Variants in F13A1 observed in about 807,000 individuals in gnomAD.
F13A1 encodes FSF, A subunit.
F13A1 carries 47 observed loss-of-function variants against 80.1 expected under a neutral mutation model. The ratio of observed to expected loss-of-function variants is 0.59; its 90% CI spans 0.46 to 0.75. The LOEUF (loss-of-function observed/expected upper bound fraction) is 0.75. Ranked by LOEUF, F13A1 falls within the 30% of genes least tolerant of loss-of-function variation. F13A1 has a pLI of 0.00. For missense variants in F13A1, 817 were observed against 930.4 expected (o/e 0.88, Z 1.59); for synonymous variants, 349 against 344.9 (o/e 1.01, Z -0.13).
chr6:6,167,516 C>A lies in F13A1; in HGVS notation c.1850G>T (p.Arg617Met), dbSNP rs746626360. The change falls in exon 13 of 15, where the codon AGG (arginine) becomes ATG (methionine). Residue 617 changes from arginine to methionine, a missense_variant. Physicochemically the swap from Arg to Met is moderately conservative, Grantham distance 91 (BLOSUM62 -1). Transcript: ENST00000264870. ...FFVTARINET[R>M]DVLAKQKSTV... ...GGACTTTTGCTTGGCCAGAACATCC[C>A]TGGTCTCATTGATGCGAGCTGTGAC... 24 of 1,613,956 alleles carry A rather than the reference C, an allele frequency of 1.5e-5. No individual in the cohort carries two copies. In the Admixed American group the frequency reaches 2.2e-4, roughly 15 times the overall value.
At chr6:6,270,085 C>A (rs1757901167) in intron 3 of F13A1, among the ~76,000 whole-genome samples, 1 of 152,210 alleles carries the variant, frequency 6.6e-6, no homozygotes, top group Admixed American at 6.5e-5. Context: ...TGCTACAATA[C>A]AACCCTACTC....
intron 14 of F13A1, among the ~76,000 whole-genome samples, chr6:6,147,489 A>G (rs1760305860): frequency 6.6e-6 from 1 of 152,198 alleles, no homozygotes; most frequent in African/African-American, 2.4e-5. Context: ...ATGCAGAGAG[A>G]AAATTCTCAG....
chr6:6,147,950 G>A (rs981204906), intron 14 of F13A1, among the ~76,000 whole-genome samples: 9 of 152,124 alleles, frequency 5.9e-5, no homozygotes, highest in African/African-American at 9.7e-5. Flanking sequence ...AGGAGATACC[G>A]GCCATTTATC....
chr6:6,300,849 G>T lies in F13A1; in HGVS notation c.319+4502C>A, dbSNP rs1758419044. Among the ~76,000 whole-genome samples the T allele has an allele frequency of 2.0e-5, 3 of 148,882 alleles. No individual in the cohort carries two copies. In the South Asian group the frequency reaches 6.3e-4, roughly 31 times the overall value. On this transcript the variant is annotated intron_variant, in intron 3 of 14. Coordinates refer to ENST00000264870, the MANE Select transcript of F13A1 (RefSeq NM_000129.4). The stretch of plus-strand genomic sequence containing the variant: ...TTTTTTTTAATTTATGTTACATTTT[G>T]GTTCACTTTTAATAGTAAATGATAT...
At chr6:6,311,443 T>C (rs2755415) in intron 2 of F13A1, among the ~76,000 whole-genome samples, 110,135 of 150,738 alleles carry the variant, frequency 0.73, 40,610 homozygotes, top group East Asian at 0.86. Flanking sequence ...ATACTGTCTT[T>C]CTAGCCTGCT....
intron 2 of F13A1, among the ~76,000 whole-genome samples, chr6:6,306,014 T>C (rs1302558195): frequency 6.6e-6 from 1 of 152,210 alleles, no homozygotes; most frequent in Non-Finnish European, 1.5e-5. Context: ...CAAGGGGACA[T>C]TCGAAGGACA....
chr6:6,275,365 T>G (rs914749626), intron 3 of F13A1, among the ~76,000 whole-genome samples: 6 of 152,068 alleles, frequency 3.9e-5, no homozygotes, highest in African/African-American at 1.2e-4. Context: ...TTTTTATTTT[T>G]TTTGTTTGTT....
chr6:6,297,705 G>T (rs1758352950), intron 3 of F13A1, among the ~76,000 whole-genome samples: 2 of 149,070 alleles, frequency 1.3e-5, no homozygotes, highest in South Asian at 2.1e-4. Flanking sequence ...CCAGCTCCTG[G>T]ATTCATTAAT....
chr6:6,178,183 CA>C (rs1166213108), intron 11 of F13A1, among the ~76,000 whole-genome samples: 1 of 152,004 alleles, frequency 6.6e-6, no homozygotes, highest in Non-Finnish European at 1.5e-5. Flanking sequence ...GAAGCTAGAG[CA>C]AGTATTTTTC....
At chr6:6,180,527 T>C (rs1334842807) in intron 11 of F13A1, among the ~76,000 whole-genome samples, 1 of 152,244 alleles carries the variant, frequency 6.6e-6, no homozygotes, top group Non-Finnish European at 1.5e-5. Flanking sequence ...ACTTGCTTTT[T>C]TGTTTCTCCA....
At chr6:6,230,575 TCC>T (rs1274229168) in intron 6 of F13A1, among the ~76,000 whole-genome samples, 3 of 152,166 alleles carry the variant, frequency 2.0e-5, no homozygotes, top group African/African-American at 7.2e-5. Flanking sequence ...CACTGGTTCC[TCC>T]CCATACTACC....
chr6:6,180,712 C>G (rs80166283), intron 11 of F13A1, among the ~76,000 whole-genome samples: 126 of 152,238 alleles, frequency 8.3e-4, no homozygotes, highest in Non-Finnish European at 1.4e-3. Flanking sequence ...GAAAATGAAG[C>G]ATTTAAAAAA....
intron 2 of F13A1, among the ~76,000 whole-genome samples, chr6:6,316,375 T>C (rs1230142812): frequency 6.6e-6 from 1 of 151,804 alleles, no homozygotes; most frequent in Non-Finnish European, 1.5e-5. Flanking sequence ...TCACTGGACA[T>C]TCATATTCCT....
chr6:6,302,361 C>T (rs1047435140), intron 3 of F13A1, among the ~76,000 whole-genome samples: 1 of 152,160 alleles, frequency 6.6e-6, no homozygotes, highest in East Asian at 1.9e-4. Flanking sequence ...GATGGTACAG[C>T]CCACTACACA....
intron 12 of F13A1, among the ~76,000 whole-genome samples, chr6:6,174,060 A>G (rs1477931481): frequency 6.6e-6 from 1 of 152,178 alleles, no homozygotes; most frequent in Non-Finnish European, 1.5e-5. Context: ...GAAATTTTCA[A>G]TGTTCACTTC....
intron 10 of F13A1, 104 bp downstream of exon 10, chr6:6,195,693 C>A: frequency 1.0e-6 from 1 of 974,060 alleles, no homozygotes; most frequent in Non-Finnish European, 1.6e-6. Context: ...ACGAAGCATA[C>A]GCTATGTACC....
intron 8 of F13A1, among the ~76,000 whole-genome samples, chr6:6,219,839 T>C (rs1015334146): frequency 6.6e-6 from 1 of 152,176 alleles, no homozygotes; most frequent in African/African-American, 2.4e-5. Flanking sequence ...TTCTGACCGC[T>C]TTGATGTACT....
intron 8 of F13A1, among the ~76,000 whole-genome samples, chr6:6,212,844 G>A (rs1249350968): frequency 1.3e-5 from 2 of 152,186 alleles, no homozygotes; most frequent in Non-Finnish European, 2.9e-5. Flanking sequence ...AGGAGCTGAT[G>A]GAGCTGAAAA....
intron 4 of F13A1, among the ~76,000 whole-genome samples, chr6:6,258,582 G>A (rs1300431286): frequency 6.6e-6 from 1 of 152,066 alleles, no homozygotes; most frequent in Non-Finnish European, 1.5e-5. Context: ...CAATCCTGGG[G>A]TCACCTACAT....
Sources: gnomAD v4.1 joint callset for allele counts (sites outside exome capture counted in the v4.1 genomes callset) on GRCh38, gnomAD v4.1.1 for gene constraint, MANE v1.5 for transcripts, NCBI Gene and HGNC (gene_info 2026-07-23, HGNC 2026-07-21) for gene names.